The following TMPRSS9 variants were observed in gnomAD, a reference collection of about 807,000 sequenced individuals.
The protein encoded by TMPRSS9 is transmembrane serine protease 9.
In TMPRSS9, 113 loss-of-function variants were observed where a neutral mutation model predicts 111.4. That is an observed-to-expected ratio of 1.01 (90% CI 0.87 to 1.19). TMPRSS9 has a LOEUF of 1.19. TMPRSS9 is among the 50% of genes most tolerant of loss of function. The pLI is 0.00. For synonymous variants in TMPRSS9, 805 were observed against 659.1 expected (o/e 1.22, Z -3.39); for missense variants, 1,803 against 1,513.1 (o/e 1.19, Z -3.18).
At chr19:2,401,230 C>A (rs112721542) in intron 4 of TMPRSS9, among the ~76,000 whole-genome samples, 1 of 151,914 alleles carries the variant, frequency 6.6e-6, no homozygotes. Flanking sequence ...GCCGAGATCG[C>A]GCCACTGCTC....
At position 2,426,201 on chromosome 19, in the gene TMPRSS9, G is replaced by A. The variant is rs1029331206; in HGVS notation, c.*113G>A. 11 of 1,364,388 alleles carry A rather than the reference G, an allele frequency of 8.1e-6. No homozygotes were observed. The South Asian group carries it at 1.3e-4, about 17-fold the overall frequency. The allele number at this position is 1,364,388 out of a possible 1,614,324, so 84.5% of individuals were successfully genotyped here. ...CAAGGACGGGTGTGGGGGGGCTGTGGGTCATGGGGATGCATTTTGGTACCA... is the reference window on the plus strand; with the variant it reads ...CAAGGACGGGTGTGGGGGGGCTGTGAGTCATGGGGATGCATTTTGGTACCA... On this transcript the variant is annotated 3_prime_UTR_variant, in exon 18 of 18. Coordinates refer to ENST00000648592, the Ensembl canonical transcript of TMPRSS9.
chr19:2,412,430 C>T (rs765496750), intron 9 of TMPRSS9, among the ~76,000 whole-genome samples: 7 of 152,068 alleles, frequency 4.6e-5, no homozygotes, highest in African/African-American at 1.2e-4. Flanking sequence ...TTAAAAATGT[C>T]GCTCAATTCT....
intron 12 of TMPRSS9, 23 bp from the exon 14 acceptor site, chr19:2,417,979 C>A: frequency 6.2e-7 from 1 of 1,611,380 alleles, no homozygotes; most frequent in South Asian, 1.1e-5. Context: ...TGCACGTGGC[C>A]TTTCTGGCTC....
At chr19:2,388,435 AGGCTGCACTGT>A (rs1398795143), upstream of TMPRSS9, among the ~76,000 whole-genome samples, 8 of 152,196 alleles carry the variant, frequency 5.3e-5, no homozygotes, top group Admixed American at 5.2e-4. Flanking sequence ...AGACTGGAAG[AGGCTGCACTGT>A]GGCTGTGAAG....
In TMPRSS9 at chr19:2,376,031, C is replaced by T. The variant is rs147918880; in HGVS notation, c.-25-13730C>T. ...AGTCAGCATCGAGTAGCATTGTCCC[C>T]AGGGAGCGTGTGTTGGCTTCCTGGT... On this transcript the variant is annotated intron_variant, in intron 1 of 17. Coordinates refer to the TMPRSS9 transcript ENST00000649857. 3.8e-3 allele frequency among the ~76,000 whole-genome samples: 582 copies of T among 152,248 alleles called. 3 individuals carry two copies. The highest frequency in any genetic ancestry group is 0.014 in the African/African-American group (563 of 41,546).
intron 1 of TMPRSS9, among the ~76,000 whole-genome samples, chr19:2,373,225 A>G (rs1215594530): frequency 6.6e-6 from 1 of 151,744 alleles, no homozygotes; most frequent in African/African-American, 2.4e-5. Flanking sequence ...TTCTTTTTTT[A>G]TTTTTATATA....
intron 1 of TMPRSS9, among the ~76,000 whole-genome samples, chr19:2,369,035 T>C (rs981767810): frequency 4.0e-5 from 6 of 150,168 alleles, no homozygotes; most frequent in African/African-American, 1.2e-4. Flanking sequence ...CACTGTAACC[T>C]CCACCTCCCG....
chr19:2,382,663 A>T (rs1182004970), intron 1 of TMPRSS9, among the ~76,000 whole-genome samples: 1 of 139,294 alleles, frequency 7.2e-6, no homozygotes, highest in Non-Finnish European at 1.6e-5. Flanking sequence ...ACATACACAC[A>T]TGCACACGTG....
Position 2,389,946 on chromosome 19 carries a change from G to C in TMPRSS9, c.142+19G>C. On this transcript the variant is annotated intron_variant, in intron 1 of 17. Coordinates refer to ENST00000648592, the Ensembl canonical transcript of TMPRSS9. ...CTTTTGGGTAAGTGGCTATGGGATTGGCTGGGTTCGCAATACAAGGGACAT... is the reference window on the plus strand; with the variant it reads ...CTTTTGGGTAAGTGGCTATGGGATTCGCTGGGTTCGCAATACAAGGGACAT... 1.9e-6 allele frequency: 3 copies of C among 1,598,144 alleles called. No individual in the cohort carries two copies. The highest frequency in any genetic ancestry group is 2.6e-6 in the Non-Finnish European group (3 of 1,166,988).
At chr19:2,373,515 C>A (rs1041539272) in intron 1 of TMPRSS9, among the ~76,000 whole-genome samples, 2 of 152,074 alleles carry the variant, frequency 1.3e-5, no homozygotes, top group Non-Finnish European at 2.9e-5. Context: ...CAGGCGTGTA[C>A]CACCATGCCC....
intron 2 of TMPRSS9, among the ~76,000 whole-genome samples, chr19:2,398,444 C>T (rs926865791): frequency 6.6e-6 from 1 of 151,590 alleles, no homozygotes; most frequent in Non-Finnish European, 1.5e-5. Flanking sequence ...TAGTGAAACC[C>T]CATTTCTACT....
At chr19:2,418,327 CTCCCTTTCCT>C (rs1971320841) in intron 13 of TMPRSS9, among the ~76,000 whole-genome samples, 189 bp downstream of exon 14, 1 of 36,204 alleles carries the variant, frequency 2.8e-5, no homozygotes, top group East Asian at 1.3e-3. Flanking sequence ...CCCTCCCTCC[CTCCCTTTCCT>C]TCCCTCCCTT....
Position 2,425,348 on chromosome 19 carries a change from C to T in TMPRSS9, c.2984-9C>T, listed in dbSNP as rs1464411594. On this transcript the variant is annotated splice_polypyrimidine_tract_variant and intron_variant, in intron 16 of 17. Coordinates refer to ENST00000648592, the Ensembl canonical transcript of TMPRSS9. ...CCCCACCCGCCCCGTCTCGCTCGCC[C>T]GCCCGCAGGCTCCATGGCGCGGCAG... 2.0e-6 allele frequency: 3 copies of T among 1,478,602 alleles called. No homozygotes were observed. The highest frequency in any genetic ancestry group is 2.7e-6 in the Non-Finnish European group (3 of 1,119,972). 91.6% of individuals were successfully genotyped at this position (1,478,602 alleles called of 1,614,324 possible). A position where few individuals can be genotyped will look rare whatever the true frequency, so the allele number is the denominator to read the frequency against.
intron 1 of TMPRSS9, among the ~76,000 whole-genome samples, chr19:2,390,496 G>C (rs959340208): frequency 6.7e-6 from 1 of 149,484 alleles, no homozygotes; most frequent in South Asian, 2.1e-4. Context: ...GCCCGCCTCA[G>C]CCTCCCAAAG....
In TMPRSS9 at chr19:2,379,516, C is replaced by T. The variant is rs1295987562; in HGVS notation, c.-25-10245C>T. Among the ~76,000 whole-genome samples, 3 of 151,842 alleles carry T rather than the reference C, an allele frequency of 2.0e-5. No individual in the cohort carries two copies. In the East Asian group the frequency reaches 5.8e-4, roughly 29 times the overall value. The stretch of plus-strand genomic sequence containing the variant: ...AGCTTCTGAGTGTGGTGCACAGCAG[C>T]CTTCCAGATGGGGCTGTTGGGCCTT... On this transcript the variant is annotated intron_variant, in intron 1 of 17. Transcript: ENST00000649857.
At chr19:2,407,593 TTTTTC>T (rs1438246338) in intron 7 of TMPRSS9, among the ~76,000 whole-genome samples, 10 of 6,110 alleles carry the variant, frequency 1.6e-3, no homozygotes, top group African/African-American at 6.6e-3. Context: ...ACCTGTGATT[TTTTTC>T]TTTTCTTTTC....
exon 14 of TMPRSS9, chr19:2,422,026 T>C (rs1239525940): frequency 4.3e-6 from 7 of 1,612,912 alleles, no homozygotes; most frequent in Admixed American, 1.7e-5. Flanking sequence ...CCCCTTCCCA[T>C]GTCTCCCCCC....
chr19:2,426,110 C>A (rs766817683), exon 18 of TMPRSS9: 4 of 1,588,328 alleles, frequency 2.5e-6, no homozygotes, highest in Non-Finnish European at 3.4e-6. Context: ...CTGCCCAGGC[C>A]GAGACTCTAC....
In TMPRSS9 at chr19:2,397,949, G is replaced by A. The variant is rs190376658; in HGVS notation, c.271-846G>A. ...AACAATTTTTAAAAATAGGCTGGGCGTGGTGGCTCACGCCTGTGACGCCTC... is the reference window on the plus strand; with the variant it reads ...AACAATTTTTAAAAATAGGCTGGGCATGGTGGCTCACGCCTGTGACGCCTC... On this transcript the variant is annotated intron_variant, in intron 2 of 17. Coordinates refer to ENST00000648592, the Ensembl canonical transcript of TMPRSS9. Among the ~76,000 whole-genome samples, 32 of 126,136 alleles carry A rather than the reference G, an allele frequency of 2.5e-4. No individual in the cohort carries two copies. The South Asian group carries it at 3.0e-3, about 12-fold the overall frequency. The allele number at this position is 126,136 out of a possible 152,430, so 82.8% of individuals were successfully genotyped here. A position where few individuals can be genotyped will look rare whatever the true frequency, so the allele number is the denominator to read the frequency against.
Sources: gnomAD v4.1 joint callset for allele counts (sites outside exome capture counted in the v4.1 genomes callset) on GRCh38, gnomAD v4.1.1 for gene constraint, MANE v1.5 for transcripts, NCBI Gene and HGNC (gene_info 2026-07-23, HGNC 2026-07-21) for gene names.